COL11A1: variants seen among roughly 807,000 people sequenced by gnomAD.
COL11A1 encodes the protein collagen alpha-1(XI) chain.
In COL11A1, 74 loss-of-function variants were observed where a neutral mutation model predicts 265.2. The ratio of observed to expected loss-of-function variants is 0.28; its 90% CI spans 0.23 to 0.34. COL11A1 has a LOEUF of 0.34. COL11A1 is among the 10% of genes least tolerant of loss of function. The pLI, the probability that COL11A1 is intolerant of heterozygous loss-of-function variation, is 1.00. For synonymous variants in COL11A1, 816 were observed against 727.6 expected (o/e 1.12, Z -1.96); for missense variants, 2,165 against 2,263.6 (o/e 0.96, Z 0.88).
At chr1:103,106,853 A>G (rs1674731892) in intron 1 of COL11A1, among the ~76,000 whole-genome samples, 1 of 152,138 alleles carries the variant, frequency 6.6e-6, no homozygotes, top group African/African-American at 2.4e-5. Flanking sequence ...GGGAGAGCTC[A>G]GATCTTGGCA....
chr1:103,023,040 T>C (rs749723409), intron 7 of COL11A1, 44 bp from the exon 8 acceptor site: 2 of 1,592,822 alleles, frequency 1.3e-6, no homozygotes, highest in East Asian at 4.5e-5. Flanking sequence ...TGAAGTTTAT[T>C]GTTAGTAAAG....
chr1:103,009,286 T>C (rs1571020975), intron 14 of COL11A1, among the ~76,000 whole-genome samples: 1 of 152,008 alleles, frequency 6.6e-6, no homozygotes. Context: ...TGGCATCGGG[T>C]GCCTGTAATC....
chr1:103,042,097 T>C (rs551954560), intron 4 of COL11A1, among the ~76,000 whole-genome samples: 54 of 152,214 alleles, frequency 3.5e-4, no homozygotes, highest in African/African-American at 1.3e-3. Context: ...AACAGCCAGG[T>C]TACTTTGAGA....
chr1:103,081,427 T>A (rs1672404670), intron 2 of COL11A1, among the ~76,000 whole-genome samples: 1 of 151,890 alleles, frequency 6.6e-6, no homozygotes, highest in Non-Finnish European at 1.5e-5. Context: ...TACTTTTAAT[T>A]TTTTTAAATC....
chr1:103,058,112 G>A (rs1670380379), intron 4 of COL11A1, among the ~76,000 whole-genome samples: 1 of 152,174 alleles, frequency 6.6e-6, no homozygotes, highest in Non-Finnish European at 1.5e-5. Context: ...ACCTTAGCTA[G>A]ATCTTCTGGA....
chr1:102,886,676 A>C, intron 63 of COL11A1, 131 bp downstream of exon 63: 1 of 1,311,262 alleles, frequency 7.6e-7, no homozygotes. Flanking sequence ...TTCTGTCTAG[A>C]AGATAATTAA....
chr1:102,945,212 G>T (rs575140017), intron 42 of COL11A1, among the ~76,000 whole-genome samples: 39 of 147,364 alleles, frequency 2.6e-4, no homozygotes, highest in African/African-American at 9.8e-4. Flanking sequence ...TGCATTAGTG[G>T]GTTCATTAAA....
chr1:102,894,871 G>A (rs1453348983), intron 57 of COL11A1, among the ~76,000 whole-genome samples: 1 of 152,024 alleles, frequency 6.6e-6, no homozygotes, highest in African/African-American at 2.4e-5. Flanking sequence ...CGCCTCCCAG[G>A]TTCAAGCTAT....
At chr1:103,000,238 A>T (rs1171172583) in intron 24 of COL11A1, among the ~76,000 whole-genome samples, 1 of 151,314 alleles carries the variant, frequency 6.6e-6, no homozygotes. Flanking sequence ...AATCTAAAAT[A>T]TGAGTGACCC....
chr1:103,079,672 AAT>A (rs1286218838), intron 2 of COL11A1, among the ~76,000 whole-genome samples: 1 of 151,998 alleles, frequency 6.6e-6, no homozygotes, highest in Non-Finnish European at 1.5e-5. Context: ...TAGTTTTACA[AAT>A]ATATCTTATT....
intron 21 of COL11A1, 38 bp from the exon 22 acceptor site, chr1:103,002,829 T>G (rs922457502): frequency 6.3e-7 from 1 of 1,582,306 alleles, no homozygotes; most frequent in South Asian, 1.1e-5. Flanking sequence ...TGTTTATATG[T>G]TTTGATGCTA....
chr1:102,921,760 C>T (rs1307894731), intron 47 of COL11A1, among the ~76,000 whole-genome samples, 189 bp from the exon 48 acceptor site: 1 of 152,118 alleles, frequency 6.6e-6, no homozygotes, highest in Non-Finnish European at 1.5e-5. Context: ...TTACACATAG[C>T]TATGAGGAAA....
chr1:103,006,187 A>AAAT lies in COL11A1; in HGVS notation c.1738-69_1738-67dup, dbSNP rs1389904728. ...TTACTAGCAAGGAAGTAAAATAAAT[A>AAAT]AATAAATAAATAAATAAATAAAACT... On this transcript the variant is annotated intron_variant, in intron 16 of 66. Transcript: ENST00000370096. 24 of 1,235,494 alleles carry AAAT rather than the reference A, an allele frequency of 1.9e-5. 1 individual carries two copies. The highest frequency in any genetic ancestry group is 2.6e-5 in the Non-Finnish European group (24 of 914,308). 76.5% of individuals were successfully genotyped at this position (1,235,494 alleles called of 1,614,324 possible). A position where few individuals can be genotyped will look rare whatever the true frequency, so the allele number is the denominator to read the frequency against.
At chr1:102,920,794 A>T (rs2101069845) in intron 48 of COL11A1, among the ~76,000 whole-genome samples, 1 of 152,308 alleles carries the variant, frequency 6.6e-6, no homozygotes, top group South Asian at 2.1e-4. Flanking sequence ...GAAAATCTAA[A>T]AACTCTTTTA....
intron 6 of COL11A1, 91 bp downstream of exon 6, chr1:103,026,125 T>C (rs1162955536): frequency 1.0e-5 from 12 of 1,205,106 alleles, no homozygotes; most frequent in Middle Eastern, 3.8e-4. Flanking sequence ...GAATGAAAGG[T>C]TTATGGTAAG....
chr1:102,935,217 C>T, intron 44 of COL11A1, 104 bp from the exon 45 acceptor site: 1 of 860,450 alleles, frequency 1.2e-6, no homozygotes, highest in Non-Finnish European at 1.9e-6. Context: ...TTCTGCACTC[C>T]TTTGGAAAAA....
intron 28 of COL11A1, among the ~76,000 whole-genome samples, chr1:102,995,529 TA>T (rs1664539305): frequency 6.6e-6 from 1 of 151,980 alleles, no homozygotes; most frequent in Non-Finnish European, 1.5e-5. Context: ...GTTATGCATC[TA>T]ACTAGATAAC....
intron 41 of COL11A1, 126 bp downstream of exon 41, chr1:102,961,740 A>T: frequency 1.2e-6 from 1 of 828,030 alleles, no homozygotes; most frequent in Non-Finnish European, 2.0e-6. Flanking sequence ...CTAGGCATTG[A>T]CTGATTTGAT....
intron 7 of COL11A1, among the ~76,000 whole-genome samples, chr1:103,024,799 A>T (rs1667390964): frequency 6.6e-6 from 1 of 152,182 alleles, no homozygotes; most frequent in East Asian, 1.9e-4. Flanking sequence ...AAATTTTCTT[A>T]AAACTAAATT....
Sources: allele counts gnomAD v4.1 joint callset (sites outside exome capture counted in the v4.1 genomes callset), GRCh38; gene constraint gnomAD v4.1.1; transcripts MANE v1.5; gene names NCBI Gene and HGNC (gene_info 2026-07-23, HGNC 2026-07-21).